ITIH4: variants seen among roughly 807,000 people sequenced by gnomAD.
ITIH4 encodes inter-alpha-trypsin inhibitor heavy chain H4.
Under a neutral mutation model 111.8 loss-of-function variants are expected in ITIH4, and 79 were observed. That is an observed-to-expected ratio of 0.71 (90% confidence interval 0.59 to 0.85). ITIH4 has a LOEUF of 0.85. Ranked by LOEUF, ITIH4 falls within the 40% of genes least tolerant of loss-of-function variation. The probability of loss-of-function intolerance (pLI) is 0.00; values close to 1 mark genes in which losing one functional copy is unlikely to be tolerated. For synonymous variants in ITIH4, 472 were observed against 468.3 expected (o/e 1.01, Z -0.10); for missense variants, 1,065 against 1,195.8 (o/e 0.89, Z 1.61).
intron 2 of ITIH4, 42 bp from the exon 3 acceptor site, chr3:52,827,239 G>A (rs1700497443): frequency 6.6e-7 from 1 of 1,517,214 alleles, no homozygotes; most frequent in East Asian, 2.3e-5. Context: ...CCTGGTGGCA[G>A]GGGCCCATTC....
At chr3:52,830,067 G>A (rs889683252) in intron 1 of ITIH4, 2 of 307,380 alleles carry the variant, frequency 6.5e-6, no homozygotes, top group Non-Finnish European at 1.3e-5. Context: ...CAAGTGGCTT[G>A]TTTATGTGCT....
chr3:52,827,248 T>G, intron 2 of ITIH4, 51 bp from the exon 3 acceptor site: 2 of 1,421,282 alleles, frequency 1.4e-6, no homozygotes, highest in Non-Finnish European at 2.0e-6. Flanking sequence ...AGGGGCCCAT[T>G]CCACTCCTGC....
intron 11 of ITIH4, among the ~76,000 whole-genome samples, chr3:52,823,011 C>T (rs146359416): frequency 3.9e-5 from 6 of 152,276 alleles, no homozygotes; most frequent in Non-Finnish European, 5.9e-5. Flanking sequence ...CATGAGGGCA[C>T]GGAGGGGTCA....
rs942458148 is a variant in ITIH4, at chr3:52,829,239, A to T, written c.131T>A (p.Val44Asp). The T allele has an allele frequency of 1.4e-5, 23 of 1,612,738 alleles. No homozygotes were observed. The highest frequency in any genetic ancestry group is 1.5e-5 in the Non-Finnish European group (18 of 1,179,090). ...DIYSLTVDSRVSSRFAHTVVT... is the reference protein window; with the variant it reads ...DIYSLTVDSRDSSRFAHTVVT... ...GACCGTGTGGGCAAATCGGGATGAG[A>T]CCCTGGAGTCCACGGTGAGGCTGTA... Residue 44 changes from valine (V) to aspartate (D), a missense_variant, in exon 2 of 24, where the codon GTC becomes GAC. By Grantham distance (152) the Val-to-Asp change is radical (BLOSUM62 -3). Coordinates refer to ENST00000266041, the MANE Select transcript of ITIH4 (RefSeq NM_002218.5).
At position 52,824,063 on chromosome 3, in the gene ITIH4, C is replaced by T; in HGVS notation, c.1172-59G>A. 1 of 1,547,852 alleles carries T rather than the reference C, an allele frequency of 6.5e-7. No individual in the cohort carries two copies. The highest frequency in any genetic ancestry group is 8.7e-7 in the Non-Finnish European group (1 of 1,146,426). ...ATAGTGATTTGCTTGAAGAATATTT[C>T]TGGAACCTCAGAGCCGAGGGGCCTC... On this transcript the variant is annotated intron_variant, in intron 9 of 23. Transcript: ENST00000266041. The surrounding 1 kb of genome is among the most constrained non-coding windows in gnomAD (Gnocchi z 4.3).
rs1319924019 is a variant in ITIH4 at position 52,830,358 on chromosome 3, A to G, written c.90+195T>C. 5.8e-6 allele frequency: 4 copies of G among 684,646 alleles called. No individual in the cohort carries two copies. The East Asian group carries it at 8.5e-5, about 14-fold the overall frequency. 42.4% of individuals were successfully genotyped at this position (684,646 alleles called of 1,614,324 possible). ...TTTGGAAAATGGAAATGATTGGATC[A>G]TCCCCTCTATTAGGTGGGAGAATAC... is the stretch of plus-strand genomic sequence containing the variant. On this transcript the variant is annotated intron_variant, in intron 1 of 23. Transcript: ENST00000266041.
chr3:52,819,835 C>T (rs755009804), intron 15 of ITIH4, 43 bp from the exon 16 acceptor site: 19 of 1,611,848 alleles, frequency 1.2e-5, no homozygotes, highest in South Asian at 3.3e-5. Context: ...AACTGAGGCC[C>T]GAGGGCTGTC....
chr3:52,818,415 C>T, intron 18 of ITIH4, 47 bp downstream of exon 18: 2 of 1,580,572 alleles, frequency 1.3e-6, no homozygotes, highest in Non-Finnish European at 1.7e-6. Context: ...GGTCACTCCC[C>T]TCCCAGGATC....
At chr3:52,821,272 G>A (rs1206240060) in intron 11 of ITIH4, 142 bp from the exon 12 acceptor site, 4 of 957,162 alleles carry the variant, frequency 4.2e-6, no homozygotes, top group Non-Finnish European at 6.2e-6. Context: ...TTGAGTGGGG[G>A]TAAGGAGGGG....
chr3:52,815,792 A>G (rs1408527538), intron 21 of ITIH4, among the ~76,000 whole-genome samples: 1 of 151,322 alleles, frequency 6.6e-6, no homozygotes, highest in Non-Finnish European at 1.5e-5. Context: ...TCCCAGCTTC[A>G]AGCAATTCTC....
At chr3:52,819,561 G>A (rs1700339542) in intron 16 of ITIH4, 43 bp from the exon 17 acceptor site, 2 of 1,612,756 alleles carry the variant, frequency 1.2e-6, no homozygotes, top group South Asian at 1.1e-5. Context: ...CAGGTGGGGT[G>A]TGGGTCTTCA....
At chr3:52,825,570 C>T (rs982232067) in intron 6 of ITIH4, among the ~76,000 whole-genome samples, 2 of 152,008 alleles carry the variant, frequency 1.3e-5, no homozygotes, top group African/African-American at 2.4e-5. Context: ...AATATAACAA[C>T]AATAATAATG....
chr3:52,821,163 G>C, intron 11 of ITIH4, 33 bp from the exon 12 acceptor site: 5 of 1,601,896 alleles, frequency 3.1e-6, no homozygotes, highest in Non-Finnish European at 4.3e-6. Context: ...GGCAGGAGCA[G>C]TGAGGGCCGG....
Position 52,820,770 on chromosome 3 carries a change from A to T in ITIH4, c.1695T>A (p.Asp565Glu). 1 of 1,612,676 alleles carries T rather than the reference A, an allele frequency of 6.2e-7. No homozygotes were observed. The highest frequency in any genetic ancestry group is 1.1e-5 in the South Asian group (1 of 90,890). ...GGTTCCGGAGGGCCTGCTGATCAGC[A>T]TCGGATGCGGAGACACTGTAGGTGG... ...QLLEQTVSAS[D>E]ADQQALRNQA... is the part of the protein sequence containing the mutation. Residue 565 changes from aspartate (D) to glutamate (E), a missense_variant, in exon 13 of 24, where the codon GAT (aspartate) becomes GAA (glutamate). Transcript: ENST00000266041.
At chr3:52,827,339 T>C (rs1029386983) in intron 2 of ITIH4, 142 bp from the exon 3 acceptor site, 4 of 704,316 alleles carry the variant, frequency 5.7e-6, no homozygotes, top group Middle Eastern at 3.8e-4. Context: ...GTGCCATTTA[T>C]TATGCACCTA....
Position 52,824,892 on chromosome 3 carries a change from C to T in ITIH4, c.826G>A (p.Val276Ile), listed in dbSNP as rs770302760. Residue 276 changes from valine (V) to isoleucine (I), a missense_variant, in exon 7 of 24, where the codon GTC (valine) becomes ATC (isoleucine). Physicochemically the swap from Val to Ile is conservative, Grantham distance 29. Coordinates refer to ENST00000266041, the MANE Select transcript of ITIH4 (RefSeq NM_002218.5). This position sits in a 1 kb window ranked among gnomAD's most constrained non-coding sequence, Gnocchi z 4.3. The part of the protein sequence containing the change: ...EGLTTMPKNV[V>I]FVIDKSGSMS... ...GAGCCGCTCTTGTCAATGACAAAGA[C>T]CACATTCTTGGGCATTGTGGTTAGG... is the stretch of plus-strand genomic sequence containing the variant. The T allele has an allele frequency of 6.2e-7, 1 of 1,614,116 alleles. No individual in the cohort carries two copies. The highest frequency in any genetic ancestry group is 1.1e-5 in the South Asian group (1 of 91,066).
In ITIH4 at chr3:52,826,529, C is replaced by A; in HGVS notation, c.630+12G>T. On this transcript the variant is annotated intron_variant, in intron 5 of 23. Transcript: ENST00000266041. ...CCTTGGTACCCTCACCTGCTGACCACAACAGGCCCACCTTGGTCTTATTCT... is the reference window on the plus strand; with the variant it reads ...CCTTGGTACCCTCACCTGCTGACCAAAACAGGCCCACCTTGGTCTTATTCT... The A allele has an allele frequency of 1.2e-6, 2 of 1,607,208 alleles. No homozygotes were observed. The highest frequency in any genetic ancestry group is 1.7e-6 in the Non-Finnish European group (2 of 1,173,812).
At position 52,830,462 on chromosome 3, in the gene ITIH4, G is replaced by A. The variant is rs200236900; in HGVS notation, c.90+91C>T. ...CACACAGGGATGCACACGCACTTGT[G>A]CTGACACGCTGGCACATGCGGAGGC... On this transcript the variant is annotated intron_variant, in intron 1 of 23. Coordinates refer to ENST00000266041, the MANE Select transcript of ITIH4 (RefSeq NM_002218.5). 25 of 1,239,800 alleles carry A rather than the reference G, an allele frequency of 2.0e-5. 1 individual carries two copies. In the East Asian group the frequency reaches 5.3e-4, roughly 27 times the overall value. The allele number at this position is 1,239,800 out of a possible 1,614,324, so 76.8% of individuals were successfully genotyped here. A position where few individuals can be genotyped will look rare whatever the true frequency, so the allele number is the denominator to read the frequency against.
intron 23 of ITIH4, 148 bp from the exon 24 acceptor site, chr3:52,813,638 C>T: frequency 1.4e-6 from 1 of 727,592 alleles, no homozygotes; most frequent in Admixed American, 2.1e-5. Flanking sequence ...CAACAAGGCC[C>T]AGTCACCCAG....
Sources: gnomAD v4.1 joint callset for allele counts (sites outside exome capture counted in the v4.1 genomes callset) on GRCh38, gnomAD v4.1.1 for gene constraint, Gnocchi (gnomAD v3.1) non-coding constraint, MANE v1.5 for transcripts, NCBI Gene and HGNC (gene_info 2026-07-23, HGNC 2026-07-21) for gene names.